Variants in HEATR4 observed in about 807,000 individuals in gnomAD.
HEATR4 encodes HEAT repeat-containing protein 4.
In HEATR4, 95 loss-of-function variants were observed where a neutral mutation model predicts 108.8. The observed-to-expected ratio is 0.87, with a 90% CI of 0.74 to 1.04. The LOEUF is 1.04. HEATR4 is among the 50% of genes least tolerant of loss of function. The pLI, the probability that HEATR4 is intolerant of heterozygous loss-of-function variation, is 0.00. For synonymous variants in HEATR4, 443 were observed against 459.4 expected (o/e 0.96, Z 0.46); for missense variants, 1,152 against 1,253.8 (o/e 0.92, Z 1.23).
intron 17 of HEATR4, among the ~76,000 whole-genome samples, chr14:73,483,917 A>G (rs1189371129): frequency 6.6e-6 from 1 of 152,022 alleles, no homozygotes; most frequent in African/African-American, 2.4e-5. Flanking sequence ...ACAGTGGCTC[A>G]ATCTCAGGCT....
At chr14:73,570,110 CT>C in the HEATR4 span, among the ~76,000 whole-genome samples, 76 of 140,574 alleles carry the variant, frequency 5.4e-4, no homozygotes, top group African/African-American at 1.1e-3. Context: ...GGGAGTTACA[CT>C]TTTTTTTTTT....
rs974511297 is a variant in HEATR4 at position 73,485,037 on chromosome 14, G to A, written c.2845-6195C>T. On this transcript the variant is annotated intron_variant, in intron 17 of 17. Transcript: ENST00000553558. ...AAATTGGCTGGGCATGGTGGCAAGC[G>A]CCTGTAATCCCAACTACTTGGGAGG... 7.2e-5 allele frequency among the ~76,000 whole-genome samples: 11 copies of A among 152,120 alleles called. No homozygotes were observed. The East Asian group carries it at 1.4e-3, about 19-fold the overall frequency.
chr14:73,556,161 C>T lies in HEATR4; in HGVS notation c.-152+2590G>A, dbSNP rs1479517144. Among the ~76,000 whole-genome samples the T allele has an allele frequency of 4.4e-5, 5 of 114,348 alleles. 2 individuals carry two copies. The highest frequency in any genetic ancestry group is 7.7e-5 in the Non-Finnish European group (4 of 52,046). The allele number at this position is 114,348 out of a possible 152,430, so 75.0% of individuals were successfully genotyped here. A position where few individuals can be genotyped will look rare whatever the true frequency, so the allele number is the denominator to read the frequency against. Reference sequence around the variant, plus strand: ...TAAGGAGGCTGGGTGCGGTGGCTCACGCCTGTAATCCCAACACTTTGGGAG... The same window carrying T: ...TAAGGAGGCTGGGTGCGGTGGCTCATGCCTGTAATCCCAACACTTTGGGAG... On this transcript the variant is annotated intron_variant, in intron 1 of 17. Coordinates refer to ENST00000553558, the MANE Select transcript of HEATR4 (RefSeq NM_001220484.1).
At chr14:73,564,728 G>GTTTT in the HEATR4 span, among the ~76,000 whole-genome samples, 1 of 37,176 alleles carries the variant, frequency 2.7e-5, no homozygotes. Context: ...TCTGTTTTTT[G>GTTTT]TTTTTTTTTT....
chr14:73,616,006 C>T, the HEATR4 span, among the ~76,000 whole-genome samples: 1 of 152,140 alleles, frequency 6.6e-6, no homozygotes, highest in African/African-American at 2.4e-5. Context: ...TTACAGTGAT[C>T]TACAGGCTAC....
chr14:73,563,127 C>T (rs1889552921), upstream of HEATR4, among the ~76,000 whole-genome samples: 4 of 151,964 alleles, frequency 2.6e-5, no homozygotes, highest in Admixed American at 2.6e-4. Context: ...GCATCACGGT[C>T]CTACCAATAT....
chr14:73,570,882 G>A, the HEATR4 span, among the ~76,000 whole-genome samples: 1 of 146,676 alleles, frequency 6.8e-6, no homozygotes, highest in Non-Finnish European at 1.5e-5. Flanking sequence ...TCCAGCCTGG[G>A]GGACAAGAGT....
Position 73,522,896 on chromosome 14 carries a change from A to G in HEATR4, c.257T>C (p.Ile86Thr), listed in dbSNP as rs1426810287. The change falls in exon 3 of 18, where the codon ATT becomes ACT. Residue 86 changes from isoleucine (I) to threonine (T), a missense_variant. Coordinates refer to ENST00000553558, the MANE Select transcript of HEATR4 (RefSeq NM_001220484.1). ...GTCAAAGCTGTACTGGCTATAAGGA[A>G]TGCTGGGCAGGCCTCGCTGCCACAC... ...EVVWQRGLPS[I>T]PYSQYSFDHL... The G allele has an allele frequency of 3.1e-6, 5 of 1,614,180 alleles. No individual in the cohort carries two copies. In the South Asian group the frequency reaches 5.5e-5, roughly 18 times the overall value.
chr14:73,615,420 AAAAC>A, the HEATR4 span, among the ~76,000 whole-genome samples: 1 of 140,662 alleles, frequency 7.1e-6, no homozygotes, highest in African/African-American at 2.6e-5. Flanking sequence ...AAAAACAAAA[AAAAC>A]CAGCAACAAC....
Position 73,495,367 on chromosome 14 carries a change from C to T in HEATR4, c.2646G>A (p.Lys882=), listed in dbSNP as rs1886055015. Reference sequence around the variant, plus strand: ...TGAGTATTTTGTGTGTCAGCAAGTCCTTTTGGCTTAGTGTTTTAATCTAAA... The same window carrying T: ...TGAGTATTTTGTGTGTCAGCAAGTCTTTTTGGCTTAGTGTTTTAATCTAAA... The part of the protein sequence containing the change: ...IKNRIKTLSQ[K]DLLTHKILKL... The change falls in exon 16 of 18, where the codon AAG becomes AAA. Residue 882 remains lysine (K), a synonymous_variant. Coordinates refer to ENST00000553558, the MANE Select transcript of HEATR4 (RefSeq NM_001220484.1). 1.2e-6 allele frequency: 2 copies of T among 1,613,656 alleles called. No homozygotes were observed. The highest frequency in any genetic ancestry group is 4.5e-5 in the East Asian group (2 of 44,868).
At chr14:73,575,216 T>A in the HEATR4 span, 1 of 970,280 alleles carries the variant, frequency 1.0e-6, no homozygotes, top group African/African-American at 2.2e-5. Context: ...TCCTGGTAGG[T>A]CAGGATGACC....
chr14:73,619,828 A>G, the HEATR4 span: 2 of 1,598,480 alleles, frequency 1.3e-6, no homozygotes, highest in Non-Finnish European at 1.7e-6. Context: ...TGTCAAGCAC[A>G]GCAAAATATA....
intron 11 of HEATR4, among the ~76,000 whole-genome samples, chr14:73,502,474 T>C (rs1886533105): frequency 1.3e-5 from 2 of 152,108 alleles, no homozygotes; most frequent in African/African-American, 4.8e-5. Flanking sequence ...ACTGTTAATT[T>C]TTTACAGTGG....
chr14:73,573,581 T>A, the HEATR4 span: 1 of 1,613,798 alleles, frequency 6.2e-7, no homozygotes, highest in Non-Finnish European at 8.5e-7. Context: ...ACTTGCTCAG[T>A]CATCCCGAGG....
At chr14:73,608,920 A>G in the HEATR4 span, among the ~76,000 whole-genome samples, 5 of 152,104 alleles carry the variant, frequency 3.3e-5, no homozygotes, top group South Asian at 8.3e-4. Context: ...CAAAAGGGGG[A>G]AAGCCTTTAT....
At chr14:73,485,528 T>G (rs1043948705) in intron 17 of HEATR4, among the ~76,000 whole-genome samples, 2 of 150,974 alleles carry the variant, frequency 1.3e-5, no homozygotes, top group Non-Finnish European at 2.9e-5. Context: ...TTAGCCTCCC[T>G]AGTAGCTGGG....
At chr14:73,626,759 C>T in the HEATR4 span, among the ~76,000 whole-genome samples, 1 of 142,394 alleles carries the variant, frequency 7.0e-6, no homozygotes, top group Non-Finnish European at 1.5e-5. Flanking sequence ...AAGGTGGCTA[C>T]ACTAAACCAC....
At chr14:73,478,964 A>T (rs2140237056) in intron 17 of HEATR4, 122 bp from the exon 18 acceptor site, 1 of 670,478 alleles carries the variant, frequency 1.5e-6, no homozygotes, top group East Asian at 2.6e-5. Flanking sequence ...TTTGAGACGG[A>T]GTCCCACTCT....
the HEATR4 span, chr14:73,582,741 A>G: frequency 6.6e-6 from 1 of 151,944 alleles, no homozygotes; most frequent in African/African-American, 2.4e-5. Flanking sequence ...ACCTCTTCCC[A>G]CCACCTTATG....
Sources: allele counts gnomAD v4.1 joint callset (sites outside exome capture counted in the v4.1 genomes callset), GRCh38; gene constraint gnomAD v4.1.1; transcripts MANE v1.5; gene names NCBI Gene and HGNC (gene_info 2026-07-23, HGNC 2026-07-21).